The following KIF13A variants were observed in gnomAD, a reference collection of about 807,000 sequenced individuals.
KIF13A encodes kinesin family member 13A, also known as kinesin-like protein KIF13A.
In KIF13A, 79 loss-of-function variants were observed where a neutral mutation model predicts 212.2. That is an observed-to-expected ratio of 0.37 (90% CI 0.31 to 0.45). The LOEUF is 0.45. KIF13A is among the 20% of genes least tolerant of loss of function. KIF13A has a pLI of 1.00. For missense variants in KIF13A, 1,901 were observed against 2,209.0 expected, an observed-to-expected ratio of 0.86 and a Z score of 2.79; for synonymous variants, 789 against 808.6, an observed-to-expected ratio of 0.98 and a Z score of 0.41.
rs1239283315 is a variant in KIF13A, at chr6:17,764,585, G to A, written c.4943C>T (p.Ser1648Leu). The A allele has an allele frequency of 5.6e-6, 9 of 1,613,818 alleles. No homozygotes were observed. The highest frequency in any genetic ancestry group is 6.8e-6 in the Non-Finnish European group (8 of 1,179,898). ...PSLVHDFRPS[S>L]NKELTEVEKG... is the part of the protein sequence containing the mutation. The stretch of plus-strand genomic sequence containing the variant: ...TTCGACTTCTGTCAACTCTTTGTTT[G>A]AGGACGGCCTGAAATCATGCACAAG... The change falls in exon 39 of 39, where the codon TCA (serine) becomes TTA (leucine). Residue 1648 changes from serine (S) to leucine (L), a missense_variant. This residue lies in a region of KIF13A where 687 missense variants were observed against 759.1 expected (regional missense o/e 0.90). Transcript: ENST00000259711. This position sits in a 1 kb window ranked among gnomAD's most constrained non-coding sequence, Gnocchi z 5.1.
chr6:17,976,710 G>C (rs1052588925), intron 2 of KIF13A, among the ~76,000 whole-genome samples: 2 of 151,938 alleles, frequency 1.3e-5, no homozygotes, highest in African/African-American at 4.8e-5. Flanking sequence ...CGCCGAGAGC[G>C]AGCGAGGGCT....
rs552345050 is a variant in KIF13A, at chr6:17,864,231, GTTAGC to G, written c.221-8114_221-8110del. 1.9e-3 allele frequency among the ~76,000 whole-genome samples: 291 copies of G among 152,314 alleles called. 2 individuals are homozygous for G. Among genetic ancestry groups the G allele is most frequent in the African/African-American group, 6.2e-3 (259 of 41,582 alleles). ...AAAAGGCGGTGGCCACTCTGCAGATGTTAGCTCCACATGCCTGGTGCAGCAAATTC... is the reference window on the plus strand; with the variant it reads ...AAAAGGCGGTGGCCACTCTGCAGATGTCCACATGCCTGGTGCAGCAAATTC... On this transcript the variant is annotated intron_variant, in intron 4 of 38. Coordinates refer to ENST00000259711, the MANE Select transcript of KIF13A (RefSeq NM_022113.6).
Position 17,910,940 on chromosome 6 carries a change from T to G in KIF13A, c.147-12760A>C, listed in dbSNP as rs1051270110. On this transcript the variant is annotated intron_variant, in intron 2 of 38. Transcript: ENST00000259711. Reference sequence around the variant, plus strand: ...ACCATGCCCAGCTAATGTTTTTGTATTTTTAGTAGAGACGGGGTTTCTCCG... The same window carrying G: ...ACCATGCCCAGCTAATGTTTTTGTAGTTTTAGTAGAGACGGGGTTTCTCCG... Among the ~76,000 whole-genome samples, 5 of 152,170 alleles carry G rather than the reference T, an allele frequency of 3.3e-5. No homozygotes were observed. In the East Asian group the frequency reaches 9.6e-4, roughly 29 times the overall value.
Position 17,837,836 on chromosome 6 carries a change from C to T in KIF13A, c.831-253G>A, listed in dbSNP as rs890610687. Among the ~76,000 whole-genome samples the T allele has an allele frequency of 2.0e-5, 3 of 151,840 alleles. No homozygotes were observed. Among genetic ancestry groups the T allele is most frequent in the Non-Finnish European group, 4.4e-5 (3 of 67,978 alleles). Reference sequence around the variant, plus strand: ...GGCGTGGTGGCAGGTGCCTGTAATCCCAGCTACTTGGGAGGCTGAAGCAGG... The same window carrying T: ...GGCGTGGTGGCAGGTGCCTGTAATCTCAGCTACTTGGGAGGCTGAAGCAGG... On this transcript the variant is annotated intron_variant, in intron 9 of 38. Coordinates refer to ENST00000259711, the MANE Select transcript of KIF13A (RefSeq NM_022113.6). The surrounding 1 kb of genome is among the most constrained non-coding windows in gnomAD (Gnocchi z 5.4).
intron 16 of KIF13A, among the ~76,000 whole-genome samples, chr6:17,824,604 C>A (rs1581429564): frequency 6.6e-6 from 1 of 151,624 alleles, no homozygotes; most frequent in African/African-American, 2.4e-5. Flanking sequence ...ACTAAAAATA[C>A]AAAAAAATTA....
Position 17,987,480 on chromosome 6 carries a change from C to G in KIF13A, c.-17G>C. 1 of 1,248,608 alleles carries G rather than the reference C, an allele frequency of 8.0e-7. No homozygotes were observed. Among genetic ancestry groups the G allele is most frequent in the Non-Finnish European group, 1.0e-6 (1 of 956,662 alleles). 77.3% of individuals were successfully genotyped at this position (1,248,608 alleles called of 1,614,324 possible). A position where few individuals can be genotyped will look rare whatever the true frequency, so the allele number is the denominator to read the frequency against. ...ATCCGACATGTTGGCTGCGCTCGCC[C>G]GGCCGCTCGCCGCGCCCGCTCGGCC... On this transcript the variant is annotated 5_prime_UTR_variant, in exon 1 of 39. Coordinates refer to ENST00000259711, the MANE Select transcript of KIF13A (RefSeq NM_022113.6). The surrounding 1 kb of genome is among the most constrained non-coding windows in gnomAD (Gnocchi z 7.7).
At chr6:17,906,541 T>C (rs1257034226) in intron 2 of KIF13A, among the ~76,000 whole-genome samples, 3 of 150,354 alleles carry the variant, frequency 2.0e-5, no homozygotes, top group Non-Finnish European at 4.4e-5. Context: ...CTCAACCTCC[T>C]GGGCTCAAGA....
chr6:17,857,300 C>A (rs1229964652), intron 4 of KIF13A, among the ~76,000 whole-genome samples: 2 of 152,054 alleles, frequency 1.3e-5, no homozygotes, highest in African/African-American at 4.8e-5. Context: ...AATTGTAATC[C>A]CCACGTGTCA....
intron 20 of KIF13A, among the ~76,000 whole-genome samples, chr6:17,802,922 TG>T (rs1431484282): frequency 8.9e-5 from 7 of 78,928 alleles, no homozygotes; most frequent in African/African-American, 1.6e-4. Context: ...AATTTTTTTG[TG>T]TTTTTTTTGT....
chr6:17,983,494 C>CTGCT lies in KIF13A; in HGVS notation c.146+3559_146+3560insAGCA, dbSNP rs1554128211. ...CCCCAAAACTGTCTTGCTGCTGCTG[C>CTGCT]TTTTTTTTTTTTTTTTGAGATGCAG... On this transcript the variant is annotated intron_variant, in intron 2 of 38. Transcript: ENST00000259711. Among the ~76,000 whole-genome samples the CTGCT allele has an allele frequency of 9.3e-3, 1,184 of 127,336 alleles. 17 individuals carry two copies. Among genetic ancestry groups the CTGCT allele is most frequent in the African/African-American group, 0.032 (1,119 of 34,960 alleles). 83.5% of individuals were successfully genotyped at this position (127,336 alleles called of 152,430 possible).
chr6:17,815,244 G>C (rs1334556338), intron 17 of KIF13A, among the ~76,000 whole-genome samples: 2 of 152,228 alleles, frequency 1.3e-5, no homozygotes, highest in Non-Finnish European at 2.9e-5. Flanking sequence ...CAGGCGTACA[G>C]GGTGGAACAT....
intron 16 of KIF13A, among the ~76,000 whole-genome samples, chr6:17,824,022 C>T (rs1309756575): frequency 6.6e-6 from 1 of 151,110 alleles, no homozygotes; most frequent in Non-Finnish European, 1.5e-5. Context: ...ATTCTCCTGC[C>T]TCAGCCTTCC....
At chr6:17,925,732 T>C (rs1775439166) in intron 2 of KIF13A, among the ~76,000 whole-genome samples, 1 of 152,190 alleles carries the variant, frequency 6.6e-6, no homozygotes, top group African/African-American at 2.4e-5. Context: ...ATAAAGAACA[T>C]GTCTAATTAG....
rs1170289926 is a variant in KIF13A, at chr6:17,895,055, G to C, written c.159+3113C>G. On this transcript the variant is annotated intron_variant, in intron 3 of 38. Coordinates refer to ENST00000259711, the MANE Select transcript of KIF13A (RefSeq NM_022113.6). This position sits in a 1 kb window ranked among gnomAD's most constrained non-coding sequence, Gnocchi z 4.4. ...TGGATCTATCTGCTGCTAAACCCTT[G>C]CACTAAATTCTTAATTTCGGTTTTG... is the stretch of plus-strand genomic sequence containing the variant. Among the ~76,000 whole-genome samples the C allele has an allele frequency of 3.9e-5, 6 of 152,124 alleles. No individual in the cohort carries two copies. Among genetic ancestry groups the C allele is most frequent in the African/African-American group, 1.2e-4 (5 of 41,420 alleles).
chr6:17,777,183 T>C lies in KIF13A; in HGVS notation c.4170+94A>G, dbSNP rs1760061827. On this transcript the variant is annotated intron_variant, in intron 34 of 38. Coordinates refer to ENST00000259711, the MANE Select transcript of KIF13A (RefSeq NM_022113.6). This position sits in a 1 kb window ranked among gnomAD's most constrained non-coding sequence, Gnocchi z 4.4. ...CTTTGGGATGCCCACACCAGTTCCA[T>C]AAGCTCTACTGCCACTGTGTGAATC... The C allele has an allele frequency of 6.2e-6, 6 of 967,396 alleles. No homozygotes were observed. Among genetic ancestry groups the C allele is most frequent in the South Asian group, 4.2e-5 (3 of 72,240 alleles). 59.9% of individuals were successfully genotyped at this position (967,396 alleles called of 1,614,324 possible). A position where few individuals can be genotyped will look rare whatever the true frequency, so the allele number is the denominator to read the frequency against.
chr6:17,822,505 A>G (rs1417476735), intron 16 of KIF13A, among the ~76,000 whole-genome samples: 4 of 152,222 alleles, frequency 2.6e-5, no homozygotes, highest in Non-Finnish European at 5.9e-5. Flanking sequence ...CTGAATACTC[A>G]TTGATTATTG....
At chr6:17,882,566 A>ATT (rs71536759) in intron 3 of KIF13A, among the ~76,000 whole-genome samples, 9 of 144,292 alleles carry the variant, frequency 6.2e-5, no homozygotes, top group Non-Finnish European at 1.1e-4. Flanking sequence ...TCCTTTATAA[A>ATT]TTTTTTTTTT....
intron 3 of KIF13A, among the ~76,000 whole-genome samples, chr6:17,889,860 A>G (rs1771884611): frequency 6.6e-6 from 1 of 152,164 alleles, no homozygotes; most frequent in South Asian, 2.1e-4. Context: ...TAAGTTTAAA[A>G]ATCTCTCTTA....
At chr6:17,873,292 A>G in intron 4 of KIF13A, 85 bp downstream of exon 4, 1 of 889,446 alleles carries the variant, frequency 1.1e-6, no homozygotes, top group Non-Finnish European at 1.8e-6. Context: ...AGGGAAAGTA[A>G]AACTCCAGAG....
Sources: allele counts gnomAD v4.1 joint callset (sites outside exome capture counted in the v4.1 genomes callset), GRCh38; gene constraint gnomAD v4.1.1; regional missense constraint gnomAD v4.1.1; non-coding constraint Gnocchi (gnomAD v3.1); transcripts MANE v1.5; gene names NCBI Gene and HGNC (gene_info 2026-07-23, HGNC 2026-07-21).